GDAP2: variants seen among roughly 807,000 people sequenced by gnomAD.
GDAP2 encodes the protein ganglioside induced differentiation associated protein 2.
A neutral mutation model predicts 67.0 loss-of-function variants in GDAP2; 51 were observed. The ratio of observed to expected loss-of-function variants is 0.76; its 90% CI spans 0.61 to 0.96. GDAP2 has a LOEUF of 0.96. GDAP2 is among the 40% of genes least tolerant of loss of function. The probability of loss-of-function intolerance (pLI) is 0.00; values close to 1 mark genes in which losing one functional copy is unlikely to be tolerated. For missense variants in GDAP2, 547 were observed against 588.3 expected (o/e 0.93, Z 0.73); for synonymous variants, 203 against 207.3 (o/e 0.98, Z 0.18).
intron 1 of GDAP2, among the ~76,000 whole-genome samples, chr1:117,923,223 CA>C (rs1488737267): frequency 6.6e-6 from 1 of 152,114 alleles, no homozygotes; most frequent in East Asian, 1.9e-4. Flanking sequence ...GCAGTTAACG[CA>C]ATCATCACAG....
chr1:117,895,806 G>C (rs10489593), intron 8 of GDAP2, among the ~76,000 whole-genome samples: 1 of 152,176 alleles, frequency 6.6e-6, no homozygotes, highest in African/African-American at 2.4e-5. Flanking sequence ...AAAGTGACTG[G>C]AGAGTTCATG....
intron 1 of GDAP2, among the ~76,000 whole-genome samples, chr1:117,921,631 G>C (rs965488451): frequency 6.6e-6 from 1 of 152,182 alleles, no homozygotes; most frequent in Non-Finnish European, 1.5e-5. Flanking sequence ...AGGTTGGTAA[G>C]AGAGGGAAAA....
intron 13 of GDAP2, among the ~76,000 whole-genome samples, chr1:117,872,697 G>C (rs924067795): frequency 6.6e-6 from 1 of 151,870 alleles, no homozygotes; most frequent in Non-Finnish European, 1.5e-5. Context: ...GGGGAGGGTG[G>C]GGGGAGAGCA....
At chr1:117,926,238 T>C (rs1269336949) in intron 1 of GDAP2, among the ~76,000 whole-genome samples, 2 of 152,252 alleles carry the variant, frequency 1.3e-5, no homozygotes, top group Non-Finnish European at 2.9e-5. Flanking sequence ...CAACAATAAC[T>C]TCCCAAATGT....
At chr1:117,919,683 TTA>T (rs1334095415) in intron 2 of GDAP2, among the ~76,000 whole-genome samples, 3 of 152,204 alleles carry the variant, frequency 2.0e-5, no homozygotes, top group Non-Finnish European at 4.4e-5. Context: ...AATTGATGAA[TTA>T]TATTGTATAT....
chr1:117,885,845 A>G (rs1345382309), intron 10 of GDAP2, among the ~76,000 whole-genome samples: 1 of 152,160 alleles, frequency 6.6e-6, no homozygotes, highest in Non-Finnish European at 1.5e-5. Context: ...ATGTGCTAGG[A>G]TTCTCTACAT....
In GDAP2 at chr1:117,870,520, G is replaced by C. The variant is rs184280096; in HGVS notation, c.*49C>G. 1 of 1,132,640 alleles carries C rather than the reference G, an allele frequency of 8.8e-7. No individual in the cohort carries two copies. The highest frequency in any genetic ancestry group is 1.7e-5 in the Admixed American group (1 of 59,328). The allele number at this position is 1,132,640 out of a possible 1,614,324, so 70.2% of individuals were successfully genotyped here. On this transcript the variant is annotated 3_prime_UTR_variant, in exon 14 of 14. Coordinates refer to ENST00000369443, the MANE Select transcript of GDAP2 (RefSeq NM_017686.4). ...ATATCACTTCAACAGGTAGCTATTC[G>C]TGGAGGAAGTGGCATCCTGGGAACC...
At chr1:117,894,904 A>T (rs542302978) in intron 8 of GDAP2, among the ~76,000 whole-genome samples, 1 of 152,302 alleles carries the variant, frequency 6.6e-6, no homozygotes, top group African/African-American at 2.4e-5. Context: ...CCTAATATTA[A>T]ATACTTTTCT....
intron 8 of GDAP2, among the ~76,000 whole-genome samples, chr1:117,896,023 C>T (rs1649249792): frequency 6.6e-6 from 1 of 152,098 alleles, no homozygotes; most frequent in Admixed American, 6.6e-5. Flanking sequence ...GAGAGTAGCC[C>T]ATTCAAAAGG....
intron 13 of GDAP2, among the ~76,000 whole-genome samples, chr1:117,873,425 T>A (rs1362738666): frequency 2.6e-5 from 4 of 152,070 alleles, no homozygotes; most frequent in South Asian, 2.1e-4. Context: ...TTTTTTTTTT[T>A]AAACAGATAC....
chr1:117,877,393 G>A (rs1648497401), intron 13 of GDAP2: 1 of 979,788 alleles, frequency 1.0e-6, no homozygotes, highest in Non-Finnish European at 1.2e-6. Context: ...GGCCAAGTGT[G>A]TTACTTTTTT....
At chr1:117,901,236 ACAC>A (rs918054156) in intron 6 of GDAP2, among the ~76,000 whole-genome samples, 6 of 152,078 alleles carry the variant, frequency 3.9e-5, no homozygotes, top group African/African-American at 1.4e-4. Context: ...ACACATACAC[ACAC>A]CACATTTTTT....
intron 13 of GDAP2, among the ~76,000 whole-genome samples, chr1:117,876,701 C>T (rs1438328288): frequency 2.0e-5 from 3 of 152,078 alleles, no homozygotes; most frequent in Non-Finnish European, 4.4e-5. Flanking sequence ...AAAAACAAAA[C>T]CAAGCTTGAG....
chr1:117,889,839 T>C (rs1208984528), intron 8 of GDAP2, among the ~76,000 whole-genome samples: 1 of 152,084 alleles, frequency 6.6e-6, no homozygotes, highest in African/African-American at 2.4e-5. Context: ...CCACAGTATC[T>C]AGCACAAAGC....
At chr1:117,910,797 C>T (rs1230818472) in intron 5 of GDAP2, among the ~76,000 whole-genome samples, 1 of 152,204 alleles carries the variant, frequency 6.6e-6, no homozygotes, top group African/African-American at 2.4e-5. Context: ...GTTAGTACTA[C>T]TTCAAGTGGG....
intron 5 of GDAP2, among the ~76,000 whole-genome samples, chr1:117,908,848 T>C: frequency 6.6e-6 from 1 of 151,910 alleles, no homozygotes; most frequent in South Asian, 2.1e-4. Flanking sequence ...AATAAATAAA[T>C]AAATAAATAA....
intron 13 of GDAP2, chr1:117,877,645 T>C (rs1405076427): frequency 9.9e-7 from 1 of 1,006,178 alleles, no homozygotes; most frequent in Non-Finnish European, 1.2e-6. Context: ...ATTCTAAAAG[T>C]GATCACCAAT....
intron 12 of GDAP2, among the ~76,000 whole-genome samples, chr1:117,881,023 G>A (rs558389785): frequency 1.7e-3 from 254 of 152,240 alleles, no homozygotes; most frequent in African/African-American, 6.0e-3. Flanking sequence ...GTTTGGAGTG[G>A]GAAGGTAAAG....
Position 117,912,039 on chromosome 1 carries a change from C to G in GDAP2, c.514G>C (p.Ala172Pro). ...TCCTCTAAAGGATAACCACGTTTTG[C>G]AGAATTGATGACACAGAAGCCAACA... is the stretch of plus-strand genomic sequence containing the variant. ...SSVGFCVINS[A>P]KRGYPLEDAT... The change falls in exon 5 of 14, where the codon GCA becomes CCA. Residue 172 changes from alanine (A) to proline (P), a missense_variant. Ala to Pro is a conservative substitution (Grantham distance 27, BLOSUM62 -1). Transcript: ENST00000369443. 1 of 1,610,664 alleles carries G rather than the reference C, an allele frequency of 6.2e-7. No individual in the cohort carries two copies. The highest frequency in any genetic ancestry group is 8.5e-7 in the Non-Finnish European group (1 of 1,177,018).
Sources: gnomAD v4.1 joint callset for allele counts (sites outside exome capture counted in the v4.1 genomes callset) on GRCh38, gnomAD v4.1.1 for gene constraint, MANE v1.5 for transcripts, NCBI Gene and HGNC (gene_info 2026-07-23, HGNC 2026-07-21) for gene names.